The following ZNF445 variants were observed in gnomAD, a reference collection of about 807,000 sequenced individuals.
The protein encoded by ZNF445 is zinc finger protein 168.
ZNF445 carries 19 observed loss-of-function variants against 93.9 expected under a neutral mutation model. The ratio of observed to expected loss-of-function variants is 0.20; its 90% CI spans 0.14 to 0.30. The LOEUF is 0.30. Ranked by LOEUF, ZNF445 falls within the 10% of genes least tolerant of loss-of-function variation. The pLI is 1.00. For missense variants in ZNF445, 1,058 were observed against 1,259.4 expected (o/e 0.84, Z 2.42); for synonymous variants, 449 against 446.3 (o/e 1.01, Z -0.08).
intron 1 of ZNF445, among the ~76,000 whole-genome samples, chr3:44,466,772 GATGA>G (rs1167191054): frequency 6.6e-6 from 1 of 152,194 alleles, no homozygotes; most frequent in Non-Finnish European, 1.5e-5. Flanking sequence ...CTTTCAAATA[GATGA>G]ATGGTGTTTG....
chr3:44,473,490 C>CACACACACAAAAAAA (rs774842477), intron 1 of ZNF445, among the ~76,000 whole-genome samples: 2 of 56,930 alleles, frequency 3.5e-5, no homozygotes, highest in African/African-American at 8.7e-5. Flanking sequence ...CACACACACA[C>CACACACACAAAAAAA]AAAAAATGCT....
rs1478063537 is a variant in ZNF445, at chr3:44,440,758, G to C, written c.*5817C>G. ...CATAGGAAGAGTAGCCCCAAGGGCT[G>C]CTGGTTGCCTATTTTTATGGTTATT... On this transcript the variant is annotated 3_prime_UTR_variant, in exon 8 of 8. Transcript: ENST00000396077. The C allele has an allele frequency of 1.3e-5, 2 of 152,098 alleles. No homozygotes were observed. The highest frequency in any genetic ancestry group is 2.9e-5 in the Non-Finnish European group (2 of 68,026). 9.4% of individuals were successfully genotyped at this position (152,098 alleles called of 1,614,324 possible).
Position 44,448,172 on chromosome 3 carries a change from A to C in ZNF445, c.1499T>G (p.Leu500Arg). ...CGRTFSHSSH[L>R]AYHQRLHTQE... is the part of the protein sequence containing the mutation. ...AGTGTGAAGTCTCTGATGATACGCA[A>C]GATGGGAGCTATGACTGAAAGTCCT... Residue 500 changes from leucine (L) to arginine (R), a missense_variant, in exon 8 of 8, where the codon CTT becomes CGT. Transcript: ENST00000396077. 6.2e-7 allele frequency: 1 copy of C among 1,614,212 alleles called. No individual in the cohort carries two copies. The highest frequency in any genetic ancestry group is 1.1e-5 in the South Asian group (1 of 91,088).
chr3:44,451,805 C>G (rs1242671931), intron 3 of ZNF445, among the ~76,000 whole-genome samples: 1 of 152,142 alleles, frequency 6.6e-6, no homozygotes, highest in Non-Finnish European at 1.5e-5. Flanking sequence ...CCCACTACCC[C>G]TCAGCTCCCA....
At position 44,450,431 on chromosome 3, in the gene ZNF445, G is replaced by C. The variant is rs1697941362; in HGVS notation, c.820+16C>G. 6.2e-7 allele frequency: 1 copy of C among 1,613,932 alleles called. No individual in the cohort carries two copies. The highest frequency in any genetic ancestry group is 2.2e-5 in the East Asian group (1 of 44,894). ...AAATAAAGATGGATAGAAGCATGAG[G>C]ATATCGATTACTTACCCAGGGAAGC... On this transcript the variant is annotated intron_variant, in intron 6 of 7. Transcript: ENST00000396077.
Position 44,436,624 on chromosome 3 carries a change from G to A in ZNF445, c.*9951C>T, listed in dbSNP as rs1697685786. The A allele has an allele frequency of 6.6e-6, 1 of 152,064 alleles. No homozygotes were observed. Among genetic ancestry groups the A allele is most frequent in the African/African-American group, 2.4e-5 (1 of 41,390 alleles). 9.4% of individuals were successfully genotyped at this position (152,064 alleles called of 1,614,324 possible). A position where few individuals can be genotyped will look rare whatever the true frequency, so the allele number is the denominator to read the frequency against. On this transcript the variant is annotated 3_prime_UTR_variant, in exon 8 of 8. Coordinates refer to ENST00000396077, the MANE Select transcript of ZNF445 (RefSeq NM_181489.6). ...GTTCTCGCATTTCAACTCATTCAGT[G>A]CAGGTTATGTTTGCATTCGTGTTTT...
rs958777232 is a variant in ZNF445, at chr3:44,442,662, G to C, written c.*3913C>G. 1 of 152,318 alleles carries C rather than the reference G, an allele frequency of 6.6e-6. No individual in the cohort carries two copies. The highest frequency in any genetic ancestry group is 1.9e-4 in the East Asian group (1 of 5,174). The allele number at this position is 152,318 out of a possible 1,614,324, so 9.4% of individuals were successfully genotyped here. A position where few individuals can be genotyped will look rare whatever the true frequency, so the allele number is the denominator to read the frequency against. On this transcript the variant is annotated 3_prime_UTR_variant, in exon 8 of 8. Transcript: ENST00000396077. ...CCAACTTCAGTTCCTCCAAGGGAGT[G>C]GGGGAAAGGTGGGAAGGGTTGGAAG...
intron 1 of ZNF445, among the ~76,000 whole-genome samples, chr3:44,462,088 G>A (rs1016440218): frequency 6.6e-6 from 1 of 152,126 alleles, no homozygotes; most frequent in African/African-American, 2.4e-5. Flanking sequence ...AGTCTTTGGC[G>A]GTAGCAAACC....
intron 3 of ZNF445, among the ~76,000 whole-genome samples, chr3:44,451,897 A>C (rs898251512): frequency 6.6e-6 from 1 of 152,218 alleles, no homozygotes; most frequent in African/African-American, 2.4e-5. Context: ...GTGGAGATAC[A>C]GTCAAGTAAT....
rs1697849135 is a variant in ZNF445 at position 44,444,119 on chromosome 3, T to G, written c.*2456A>C. ...GTGATCCTGCCACTGCACTCCACCC[T>G]GGGCAACCCTGTCTCAAAAAATAAA... On this transcript the variant is annotated 3_prime_UTR_variant, in exon 8 of 8. Coordinates refer to ENST00000396077, the MANE Select transcript of ZNF445 (RefSeq NM_181489.6). 1 of 152,208 alleles carries G rather than the reference T, an allele frequency of 6.6e-6. No homozygotes were observed. The highest frequency in any genetic ancestry group is 1.5e-5 in the Non-Finnish European group (1 of 68,072). The allele number at this position is 152,208 out of a possible 1,614,324, so 9.4% of individuals were successfully genotyped here.
At position 44,439,298 on chromosome 3, in the gene ZNF445, GA is replaced by G. The variant is rs1164707278; in HGVS notation, c.*7276del. 1 of 135,600 alleles carries G rather than the reference GA, an allele frequency of 7.4e-6. No individual in the cohort carries two copies. The highest frequency in any genetic ancestry group is 2.7e-5 in the African/African-American group (1 of 37,408). The allele number at this position is 135,600 out of a possible 1,614,324, so 8.4% of individuals were successfully genotyped here. On this transcript the variant is annotated 3_prime_UTR_variant, in exon 8 of 8. Transcript: ENST00000396077. ...TGCACTCCAGCCTGGGTGACAGGGT[GA>G]GACCTTGTCTCAAAAAAAAAAAAAA...
Position 44,446,440 on chromosome 3 carries a change from C to T in ZNF445, c.*135G>A. 7.4e-7 allele frequency: 1 copy of T among 1,358,284 alleles called. No homozygotes were observed. Among genetic ancestry groups the T allele is most frequent in the Non-Finnish European group, 1.0e-6 (1 of 1,000,756 alleles). The allele number at this position is 1,358,284 out of a possible 1,614,324, so 84.1% of individuals were successfully genotyped here. On this transcript the variant is annotated 3_prime_UTR_variant, in exon 8 of 8. Transcript: ENST00000396077. The surrounding 1 kb of genome is among the most constrained non-coding windows in gnomAD (Gnocchi z 4.2). Reference sequence around the variant, plus strand: ...TGGGGACTCCCCGAGCTTTCAAATCCTTGGGATTCTGTCACTAGCTTCCAA... The same window carrying T: ...TGGGGACTCCCCGAGCTTTCAAATCTTTGGGATTCTGTCACTAGCTTCCAA...
chr3:44,447,519 A>T lies in ZNF445; in HGVS notation c.2152T>A (p.Phe718Ile). 1.2e-6 allele frequency: 2 copies of T among 1,614,202 alleles called. No homozygotes were observed. Among genetic ancestry groups the T allele is most frequent in the Non-Finnish European group, 1.7e-6 (2 of 1,180,036 alleles). Residue 718 changes from phenylalanine to isoleucine, a missense_variant, in exon 8 of 8, where the codon TTT becomes ATT. Phe to Ile is a conservative substitution (Grantham distance 21). Coordinates refer to ENST00000396077, the MANE Select transcript of ZNF445 (RefSeq NM_181489.6). The surrounding 1 kb of genome is among the most constrained non-coding windows in gnomAD (Gnocchi z 4.7). ...ACAATAAAGGCTGACCTATAGGCAA[A>T]GTCCTTCCCACAATCGCTACACTGG... The part of the protein sequence containing the change: ...PYQCSDCGKD[F>I]AYRSAFIVHK...
chr3:44,475,853 G>A (rs1698342594), intron 1 of ZNF445, among the ~76,000 whole-genome samples: 1 of 152,060 alleles, frequency 6.6e-6, no homozygotes, highest in Non-Finnish European at 1.5e-5. Flanking sequence ...ACAAAAATTA[G>A]CTGGGCGTGG....
In ZNF445 at chr3:44,443,423, T is replaced by C. The variant is rs1697835995; in HGVS notation, c.*3152A>G. Reference sequence around the variant, plus strand: ...ATAAACAGCTTACTTCAGGATAAAATAATTTCTGTTCTTTTGGCCGGGCAC... The same window carrying C: ...ATAAACAGCTTACTTCAGGATAAAACAATTTCTGTTCTTTTGGCCGGGCAC... On this transcript the variant is annotated 3_prime_UTR_variant, in exon 8 of 8. Transcript: ENST00000396077. The C allele has an allele frequency of 6.6e-6, 1 of 152,130 alleles. No individual in the cohort carries two copies. Among genetic ancestry groups the C allele is most frequent in the African/African-American group, 2.4e-5 (1 of 41,418 alleles). The allele number at this position is 152,130 out of a possible 1,614,324, so 9.4% of individuals were successfully genotyped here.
In ZNF445 at chr3:44,435,293, C is replaced by A. The variant is rs980652323; in HGVS notation, c.*11282G>T. The A allele has an allele frequency of 1.3e-5, 2 of 152,182 alleles. No individual in the cohort carries two copies. The highest frequency in any genetic ancestry group is 2.9e-5 in the Non-Finnish European group (2 of 68,032). The allele number at this position is 152,182 out of a possible 1,614,324, so 9.4% of individuals were successfully genotyped here. Reference sequence around the variant, plus strand: ...CTGGACAGCCTTGTGAATAATTCTTCTCTCTTTTGCAAAACCCATGTCACA... The same window carrying A: ...CTGGACAGCCTTGTGAATAATTCTTATCTCTTTTGCAAAACCCATGTCACA... On this transcript the variant is annotated 3_prime_UTR_variant, in exon 8 of 8. Transcript: ENST00000396077.
At chr3:44,463,700 T>C (rs544756398) in intron 1 of ZNF445, among the ~76,000 whole-genome samples, 1 of 152,188 alleles carries the variant, frequency 6.6e-6, no homozygotes, top group Non-Finnish European at 1.5e-5. Flanking sequence ...CAGAAAAGCA[T>C]GCTCTTGGCC....
intron 1 of ZNF445, among the ~76,000 whole-genome samples, chr3:44,477,291 C>G (rs888264198): frequency 2.0e-5 from 3 of 152,246 alleles, no homozygotes; most frequent in African/African-American, 7.2e-5. Flanking sequence ...CTTCTACTTT[C>G]CCGTGTTATC....
Position 44,444,003 on chromosome 3 carries a change from T to C in ZNF445, c.*2572A>G, listed in dbSNP as rs1204752856. On this transcript the variant is annotated 3_prime_UTR_variant, in exon 8 of 8. Coordinates refer to ENST00000396077, the MANE Select transcript of ZNF445 (RefSeq NM_181489.6). ...TGTCTCTACAAAAAAATATAAAAAA[T>C]TAGCTGGCAGGGTGGCACACACCTG... 1 of 151,698 alleles carries C rather than the reference T, an allele frequency of 6.6e-6. No homozygotes were observed. Among genetic ancestry groups the C allele is most frequent in the African/African-American group, 2.4e-5 (1 of 41,272 alleles). 9.4% of individuals were successfully genotyped at this position (151,698 alleles called of 1,614,324 possible).
Sources: gnomAD v4.1 joint callset for allele counts (sites outside exome capture counted in the v4.1 genomes callset) on GRCh38, gnomAD v4.1.1 for gene constraint, Gnocchi (gnomAD v3.1) non-coding constraint, MANE v1.5 for transcripts, NCBI Gene and HGNC (gene_info 2026-07-23, HGNC 2026-07-21) for gene names.